Variants in SMG1 observed in about 807,000 individuals in gnomAD.
SMG1 encodes serine/threonine-protein kinase SMG1.
In SMG1, 22 loss-of-function variants were observed where a neutral mutation model predicts 419.9. That is an observed-to-expected ratio of 0.05 (90% CI 0.04 to 0.07). SMG1 has a LOEUF of 0.07. Among genes scored for constraint, SMG1 ranks in the 10% least tolerant of loss-of-function variants. SMG1 has a pLI of 1.00. For missense variants in SMG1, 3,185 were observed against 4,342.0 expected, an observed-to-expected ratio of 0.73 and a Z score of 7.49; for synonymous variants, 1,538 against 1,553.5, an observed-to-expected ratio of 0.99 and a Z score of 0.23.
Position 18,807,609 on chromosome 16 carries a change from G to C in SMG1, c.*1960C>G, listed in dbSNP as rs370747335. The C allele has an allele frequency of 6.6e-6, 1 of 152,182 alleles. No homozygotes were observed. The highest frequency in any genetic ancestry group is 1.9e-4 in the East Asian group (1 of 5,174). The allele number at this position is 152,182 out of a possible 1,614,324, so 9.4% of individuals were successfully genotyped here. A position where few individuals can be genotyped will look rare whatever the true frequency, so the allele number is the denominator to read the frequency against. On this transcript the variant is annotated 3_prime_UTR_variant, in exon 63 of 63. Coordinates refer to ENST00000446231, the MANE Select transcript of SMG1 (RefSeq NM_015092.5). ...GGGTACTTAACGATTACAGATTAAC[G>C]TGGCAATCAGAATACAAAAAAGGCC...
At position 18,925,980 on chromosome 16, in the gene SMG1, T is replaced by A. The variant is rs1413380124; in HGVS notation, c.62A>T (p.Tyr21Phe). ...SSGGGGGGTK[Y>F]PRSWNDWQPR... ...TTGCCAGTCATTCCAGCTCCGCGGATACTTGGTGCCGCCGCCGCCGCCGCC... is the reference window on the plus strand; with the variant it reads ...TTGCCAGTCATTCCAGCTCCGCGGAAACTTGGTGCCGCCGCCGCCGCCGCC... Residue 21 changes from tyrosine (Y) to phenylalanine (F), a missense_variant, in exon 1 of 63, where the codon TAT becomes TTT. Tyr to Phe is a conservative substitution (Grantham distance 22). Coordinates refer to ENST00000446231, the MANE Select transcript of SMG1 (RefSeq NM_015092.5). The A allele has an allele frequency of 1.3e-6, 2 of 1,576,874 alleles. No homozygotes were observed. The highest frequency in any genetic ancestry group is 2.8e-5 in the African/African-American group (2 of 72,378).
intron 6 of SMG1, among the ~76,000 whole-genome samples, chr16:18,886,904 G>C (rs912403034): frequency 6.6e-6 from 1 of 152,140 alleles, no homozygotes; most frequent in Non-Finnish European, 1.5e-5. Context: ...AGACATCTTA[G>C]GGGTAATTAC....
rs1175988720 is a variant in SMG1, at chr16:18,830,113, C to T, written c.8946G>A (p.Leu2982=). Residue 2982 remains leucine, a splice_region_variant and synonymous_variant, in exon 53 of 63, where the codon TTG becomes TTA. Transcript: ENST00000446231. ...ETAFSLLVEK[L]NKMEIPIAWR... is the part of the protein sequence containing the mutation. ...AAGCTATGGGAATTTCCATCTTGTT[C>T]AACTATGTAAATGAAAGAAAACAAA... The T allele has an allele frequency of 6.2e-7, 1 of 1,601,908 alleles. No individual in the cohort carries two copies. Among genetic ancestry groups the T allele is most frequent in the Non-Finnish European group, 8.5e-7 (1 of 1,173,716 alleles).
In SMG1 at chr16:18,845,492, T is replaced by C; in HGVS notation, c.6156A>G (p.Leu2052=). ...GGTTCAATGGAGTCTTCAGTTTTTC[T>C]AGGGCATTTTCAATGGCATCACCAT... ...DNYGDAIENA[L]EKLKTPLNPA... Residue 2052 remains leucine (L), a synonymous_variant, in exon 39 of 63, where the codon CTA becomes CTG. Transcript: ENST00000446231. 1 of 1,614,018 alleles carries C rather than the reference T, an allele frequency of 6.2e-7. No individual in the cohort carries two copies. The highest frequency in any genetic ancestry group is 8.5e-7 in the Non-Finnish European group (1 of 1,179,890).
chr16:18,926,177 G>C lies in SMG1; in HGVS notation c.-136C>G, dbSNP rs1259166820. On this transcript the variant is annotated 5_prime_UTR_variant, in exon 1 of 63. Coordinates refer to ENST00000446231, the MANE Select transcript of SMG1 (RefSeq NM_015092.5). The stretch of plus-strand genomic sequence containing the variant: ...CGAGAAGGAGGAGGAGGAGGAGGAG[G>C]AGGAGAAGGAGGAGGCGGCGGAGGG... 4.1e-6 allele frequency: 3 copies of C among 725,124 alleles called. No individual in the cohort carries two copies. Among genetic ancestry groups the C allele is most frequent in the Non-Finnish European group, 6.4e-6 (3 of 467,384 alleles). The allele number at this position is 725,124 out of a possible 1,614,324, so 44.9% of individuals were successfully genotyped here.
chr16:18,918,147 G>C (rs1457510236), intron 1 of SMG1, among the ~76,000 whole-genome samples: 1 of 151,746 alleles, frequency 6.6e-6, no homozygotes, highest in Non-Finnish European at 1.5e-5. Context: ...GTAATCCCTA[G>C]AGCTACTTGG....
Position 18,837,449 on chromosome 16 carries a change from A to G in SMG1, c.7414-6T>C, listed in dbSNP as rs2033646034. On this transcript the variant is annotated splice_polypyrimidine_tract_variant and splice_region_variant and intron_variant, in intron 45 of 62. Transcript: ENST00000446231. ...CTATTCTTAAACCAGTTCACCTGTAAAAAGATATTACGATTAAGAAGACTC... is the reference window on the plus strand; with the variant it reads ...CTATTCTTAAACCAGTTCACCTGTAGAAAGATATTACGATTAAGAAGACTC... 6.2e-7 allele frequency: 1 copy of G among 1,608,722 alleles called. No individual in the cohort carries two copies. The highest frequency in any genetic ancestry group is 1.3e-5 in the African/African-American group (1 of 74,618).
intron 11 of SMG1, 112 bp from the exon 12 acceptor site, chr16:18,877,344 A>G (rs1325296556): frequency 7.4e-6 from 5 of 672,926 alleles, no homozygotes; most frequent in Non-Finnish European, 1.2e-5. Flanking sequence ...GCTACATACT[A>G]TATGACTCCA....
Position 18,827,456 on chromosome 16 carries a change from C to CTATA in SMG1, c.9741+571_9741+574dup, listed in dbSNP as rs202137867. 6.7e-3 allele frequency among the ~76,000 whole-genome samples: 940 copies of CTATA among 141,004 alleles called. 29 individuals carry two copies. The highest frequency in any genetic ancestry group is 0.023 in the African/African-American group (878 of 38,046). 92.5% of individuals were successfully genotyped at this position (141,004 alleles called of 152,430 possible). A position where few individuals can be genotyped will look rare whatever the true frequency, so the allele number is the denominator to read the frequency against. On this transcript the variant is annotated intron_variant, in intron 55 of 62. Coordinates refer to ENST00000446231, the MANE Select transcript of SMG1 (RefSeq NM_015092.5). ...TATATATATATAGGTATAAATATAC[C>CTATA]TATATATATATATTTTTATATATAT...
rs1226230446 is a variant in SMG1 at position 18,892,373 on chromosome 16, T to G, written c.413-19A>C. On this transcript the variant is annotated intron_variant, in intron 3 of 62. Coordinates refer to ENST00000446231, the MANE Select transcript of SMG1 (RefSeq NM_015092.5). ...GATCTCTCTGTGAATATATAAACAT[T>G]TTGTTGTCCATTGAGTATAAATAAG... 8 of 1,542,734 alleles carry G rather than the reference T, an allele frequency of 5.2e-6. No individual in the cohort carries two copies. The East Asian group carries it at 2.0e-4, about 38-fold the overall frequency.
At chr16:18,899,269 C>T (rs1446101680) in intron 1 of SMG1, among the ~76,000 whole-genome samples, 2 of 151,988 alleles carry the variant, frequency 1.3e-5, no homozygotes, top group African/African-American at 4.8e-5. Flanking sequence ...AACTGTAAAA[C>T]CAGGAGCCGC....
Position 18,812,030 on chromosome 16 carries a change from A to G in SMG1, c.10719T>C (p.Thr3573=). 2 of 1,613,982 alleles carry G rather than the reference A, an allele frequency of 1.2e-6. No individual in the cohort carries two copies. Among genetic ancestry groups the G allele is most frequent in the South Asian group, 2.2e-5 (2 of 91,088 alleles). Residue 3573 remains threonine, a synonymous_variant, in exon 61 of 63, where the codon ACT becomes ACC. Coordinates refer to ENST00000446231, the MANE Select transcript of SMG1 (RefSeq NM_015092.5). The stretch of plus-strand genomic sequence containing the variant: ...CAGTTCCTGGAACGGTGCTTGGTGG[A>G]GTATCAGCTGATGTAGCAAGATTTT... ...IQKNLATSAD[T]PPSTVPGTGK... is the part of the protein sequence containing the mutation.
chr16:18,840,637 A>C (rs1283781615), intron 41 of SMG1, among the ~76,000 whole-genome samples: 1 of 152,214 alleles, frequency 6.6e-6, no homozygotes, highest in Non-Finnish European at 1.5e-5. Context: ...CTCCTAGTCT[A>C]AATCAAAGCA....
chr16:18,887,672 T>TAAA (rs368196825), intron 6 of SMG1, among the ~76,000 whole-genome samples: 1,918 of 65,578 alleles, frequency 0.029, 135 homozygotes, highest in African/African-American at 0.03. Flanking sequence ...ACTTTTTATT[T>TAAA]AAAAAAAAAA....
At chr16:18,916,570 A>T (rs2037991283) in intron 1 of SMG1, among the ~76,000 whole-genome samples, 1 of 151,200 alleles carries the variant, frequency 6.6e-6, no homozygotes, top group Non-Finnish European at 1.5e-5. Flanking sequence ...TCTCTGCATG[A>T]GCAAACTCCA....
intron 8 of SMG1, chr16:18,884,626 A>C (rs1197725789): frequency 5.7e-6 from 1 of 174,922 alleles, no homozygotes; most frequent in Non-Finnish European, 1.2e-5. Flanking sequence ...ATGACACTTG[A>C]AACAAACTGA....
intron 19 of SMG1, 150 bp from the exon 20 acceptor site, chr16:18,869,453 C>A: frequency 1.5e-6 from 1 of 682,988 alleles, no homozygotes; most frequent in Non-Finnish European, 2.5e-6. Context: ...TTGTGTCCCC[C>A]CTCTCATTTT....
chr16:18,851,601 C>T (rs1164456308), intron 33 of SMG1, among the ~76,000 whole-genome samples: 5 of 152,224 alleles, frequency 3.3e-5, no homozygotes. Context: ...CACTCTGTCA[C>T]CCAGACTGGA....
Position 18,858,181 on chromosome 16 carries a change from T to G in SMG1, c.4223A>C (p.Glu1408Ala). 6.4e-7 allele frequency: 1 copy of G among 1,562,958 alleles called. No individual in the cohort carries two copies. The highest frequency in any genetic ancestry group is 8.7e-7 in the Non-Finnish European group (1 of 1,155,672). Residue 1408 changes from glutamate (E) to alanine (A), a missense_variant, in exon 29 of 63, where the codon GAG (glutamate) becomes GCG (alanine). Transcript: ENST00000446231. ...RYTMYQNQLL[E>A]KIKEQTVPIR... is the part of the protein sequence containing the mutation. ...AAAAAACCACTTACCTTTAATTTTC[T>G]CCAACAACTGATTCTGGTACATAGT...
Sources: allele counts gnomAD v4.1 joint callset (sites outside exome capture counted in the v4.1 genomes callset), GRCh38; gene constraint gnomAD v4.1.1; transcripts MANE v1.5; gene names NCBI Gene and HGNC (gene_info 2026-07-23, HGNC 2026-07-21).